Variants in MST1R observed in about 807,000 individuals in gnomAD.
MST1R encodes macrophage stimulating 1 receptor, also known as macrophage-stimulating protein receptor.
Under a neutral mutation model 117.8 loss-of-function variants are expected in MST1R, and 99 were observed. That is an observed-to-expected ratio of 0.84 (90% confidence interval 0.71 to 0.99). The LOEUF is 0.99. Ranked by LOEUF, MST1R falls within the 50% of genes least tolerant of loss-of-function variation. The probability of loss-of-function intolerance (pLI) is 0.00; values close to 1 mark genes in which losing one functional copy is unlikely to be tolerated. For missense variants in MST1R, 1,683 were observed against 1,840.2 expected (o/e 0.91, Z 1.56); for synonymous variants, 734 against 765.3 (o/e 0.96, Z 0.68).
chr3:49,903,407 C>T lies in MST1R; in HGVS notation c.203G>A (p.Ser68Asn), dbSNP rs2108513929. Reference protein sequence around the residue: ...MVTYEGDRNESAVFVAIRNRL... With the variant: ...MVTYEGDRNENAVFVAIRNRL... ...ATTGCGTATGGCTACAAACACAGCA[C>T]TCTCATTTCTGTCGCCCTCGTAGGT... The change falls in exon 1 of 20, where the codon AGT becomes AAT. Residue 68 changes from serine to asparagine, a missense_variant. By Grantham distance (46) the Ser-to-Asn change is conservative (BLOSUM62 1). Coordinates refer to ENST00000296474, the MANE Select transcript of MST1R (RefSeq NM_002447.4). The T allele has an allele frequency of 1.2e-6, 2 of 1,614,018 alleles. No homozygotes were observed. Among genetic ancestry groups the T allele is most frequent in the Non-Finnish European group, 1.7e-6 (2 of 1,180,018 alleles).
In MST1R at chr3:49,896,349, C is replaced by T. The variant is rs769911110; in HGVS notation, c.2495G>A (p.Arg832Gln). The T allele has an allele frequency of 9.3e-6, 15 of 1,614,064 alleles. No individual in the cohort carries two copies. Among genetic ancestry groups the T allele is most frequent in the Middle Eastern group, 1.6e-4 (1 of 6,062 alleles). ...QLCRLPEYVVRDPQGWVAGNL... is the reference protein window; with the variant it reads ...QLCRLPEYVVQDPQGWVAGNL... ...CCCTGCCACCCATCCCTGGGGGTCT[C>T]GGACCACATATTCAGGAAGGCGGCA... is the stretch of plus-strand genomic sequence containing the variant. The change falls in exon 10 of 20, where the codon CGA becomes CAA. Residue 832 changes from arginine to glutamine, a missense_variant. Arg to Gln is a conservative substitution (Grantham distance 43). Coordinates refer to ENST00000296474, the MANE Select transcript of MST1R (RefSeq NM_002447.4).
At chr3:49,895,622 T>G in intron 12 of MST1R, 74 bp from the exon 13 acceptor site, 1 of 1,604,264 alleles carries the variant, frequency 6.2e-7, no homozygotes, top group South Asian at 1.1e-5. Flanking sequence ...AGGACTTAGA[T>G]CCCTAAGTCC....
rs1162773520 is a variant in MST1R at position 49,896,788 on chromosome 3, C to T, written c.2286G>A (p.Trp762Ter). Residue 762 changes from tryptophan (W) to a stop codon, truncating the protein, a stop_gained, in exon 8 of 20, where the codon TGG becomes TGA. Coordinates refer to ENST00000296474, the MANE Select transcript of MST1R (RefSeq NM_002447.4). LOFTEE classifies it high-confidence loss of function. Reference sequence around the variant, plus strand: ...CAGGGTCTTCTCTGTACTGGAAGGTCCAGGAACCAGGTACCTGGGCACCCC... The same window carrying T: ...CAGGGTCTTCTCTGTACTGGAAGGTTCAGGAACCAGGTACCTGGGCACCCC... Reference protein sequence around the residue: ...QVGGAQVPGSWTFQYREDPVV... With the variant: ...QVGGAQVPGS 3 of 1,566,726 alleles carry T rather than the reference C, an allele frequency of 1.9e-6. No homozygotes were observed. Among genetic ancestry groups the T allele is most frequent in the East Asian group, 2.4e-5 (1 of 42,158 alleles).
intron 4 of MST1R, 32 bp downstream of exon 4, chr3:49,898,486 C>T: frequency 6.2e-7 from 1 of 1,608,342 alleles, no homozygotes. Flanking sequence ...GCCTGTCCCA[C>T]TCTTACCTGT....
At chr3:49,891,051 C>G (rs2082299973) in intron 17 of MST1R, 146 bp downstream of exon 17, 3 of 734,392 alleles carry the variant, frequency 4.1e-6, no homozygotes, top group Non-Finnish European at 6.7e-6. Flanking sequence ...AGTGTCCAGT[C>G]CAAGTCTGCA....
chr3:49,890,562 G>A lies in MST1R; in HGVS notation c.3733C>T (p.Arg1245Cys), dbSNP rs759230802. Residue 1245 changes from arginine (R) to cysteine (C), a missense_variant, in exon 18 of 20, where the codon CGC (arginine) becomes TGC (cysteine). By Grantham distance (180) the Arg-to-Cys change is radical (BLOSUM62 -3). Coordinates refer to ENST00000296474, the MANE Select transcript of MST1R (RefSeq NM_002447.4). ...CACTTCACAGGTAGGCGAGCGTGGCGATGCTGTTGAACACTATAGTACTCC... is the reference window on the plus strand; with the variant it reads ...CACTTCACAGGTAGGCGAGCGTGGCAATGCTGTTGAACACTATAGTACTCC... Reference protein sequence around the residue: ...DREYYSVQQHRHARLPVKWMA... With the variant: ...DREYYSVQQHCHARLPVKWMA... 2.9e-5 allele frequency: 47 copies of A among 1,614,014 alleles called. No homozygotes were observed. The highest frequency in any genetic ancestry group is 3.6e-5 in the Non-Finnish European group (42 of 1,180,018).
In MST1R at chr3:49,899,238, T is replaced by C. The variant is rs1285225321; in HGVS notation, c.1256A>G (p.Asn419Ser). ...CAGAGGGAAGTGGCGGCAGCTGGTG[T>C]TGGGGCTGAGGGCTTCCAGGCCAGG... ...NPPGLEALSP[N>S]TSCRHFPLLV... Residue 419 changes from asparagine (N) to serine (S), a missense_variant, in exon 2 of 20, where the codon AAC (asparagine) becomes AGC (serine). Asn to Ser is a conservative substitution (Grantham distance 46). Transcript: ENST00000296474. 13 of 1,613,972 alleles carry C rather than the reference T, an allele frequency of 8.1e-6. No individual in the cohort carries two copies. The highest frequency in any genetic ancestry group is 1.1e-5 in the Non-Finnish European group (13 of 1,179,988).
intron 19 of MST1R, among the ~76,000 whole-genome samples, chr3:49,888,443 A>T (rs1436867454): frequency 6.7e-6 from 1 of 149,072 alleles, no homozygotes; most frequent in Non-Finnish European, 1.5e-5. Context: ...CTCAAAAAAA[A>T]AAAAAAAAAA....
chr3:49,897,013 G>T, intron 7 of MST1R, 123 bp from the exon 8 acceptor site: 1 of 1,267,564 alleles, frequency 7.9e-7, no homozygotes, highest in Non-Finnish European at 1.1e-6. Flanking sequence ...CCACTCCATG[G>T]TCTGTCTGAA....
chr3:49,898,765 A>C (rs549335090), intron 3 of MST1R, 77 bp from the exon 4 acceptor site: 1 of 1,604,730 alleles, frequency 6.2e-7, no homozygotes, highest in South Asian at 1.1e-5. Context: ...GGTACACAGT[A>C]GGCTAGGGTG....
rs2082489703 is a variant in MST1R, at chr3:49,896,818, C to G, written c.2256G>C (p.Gln752His). 2 of 1,558,444 alleles carry G rather than the reference C, an allele frequency of 1.3e-6. No individual in the cohort carries two copies. The highest frequency in any genetic ancestry group is 2.7e-5 in the African/African-American group (2 of 73,332). ...ATVASVPLSL[Q>H]VGGAQVPGSW... is the part of the protein sequence containing the mutation. Reference sequence around the variant, plus strand: ...AACCAGGTACCTGGGCACCCCCCACCTGCAGGCTAAGGGGGACACTGGCCA... The same window carrying G: ...AACCAGGTACCTGGGCACCCCCCACGTGCAGGCTAAGGGGGACACTGGCCA... The change falls in exon 8 of 20, where the codon CAG (glutamine) becomes CAC (histidine). Residue 752 changes from glutamine to histidine, a missense_variant. By Grantham distance (24) the Gln-to-His change is conservative. Coordinates refer to ENST00000296474, the MANE Select transcript of MST1R (RefSeq NM_002447.4).
intron 14 of MST1R, among the ~76,000 whole-genome samples, chr3:49,894,521 T>C (rs1304745365): frequency 6.6e-6 from 1 of 152,050 alleles, no homozygotes; most frequent in South Asian, 2.1e-4. Flanking sequence ...TGAGCCATGA[T>C]TGTGCCATTG....
rs146909618 is a variant in MST1R, at chr3:49,887,989, G to A, written c.3948-427C>T. ...AGGAAGGAAGCCTGGGTCCAGCAAA[G>A]CAGGAATTAAAAATCCTGAAGTGGC... On this transcript the variant is annotated intron_variant, in intron 19 of 19. Transcript: ENST00000296474. Among the ~76,000 whole-genome samples the A allele has an allele frequency of 5.1e-3, 776 of 152,346 alleles. 6 individuals are homozygous for A. The highest frequency in any genetic ancestry group is 0.018 in the African/African-American group (750 of 41,574).
chr3:49,892,727 G>C (rs2082350711), intron 14 of MST1R, among the ~76,000 whole-genome samples: 1 of 151,510 alleles, frequency 6.6e-6, no homozygotes, highest in African/African-American at 2.4e-5. Context: ...GCTGGGGCGG[G>C]AGGATCAGCT....
chr3:49,895,106 T>C, intron 14 of MST1R, 61 bp downstream of exon 14: 1 of 1,590,084 alleles, frequency 6.3e-7, no homozygotes, highest in Non-Finnish European at 8.6e-7. Context: ...CCACCACGCC[T>C]GGCCTAGCCT....
chr3:49,889,638 G>A (rs966657227), intron 19 of MST1R, among the ~76,000 whole-genome samples: 1 of 152,254 alleles, frequency 6.6e-6, no homozygotes, highest in South Asian at 2.1e-4. Context: ...AGCAGACCCC[G>A]TTAGTGGGAG....
chr3:49,896,166 C>T (rs929524630), intron 10 of MST1R, 29 bp downstream of exon 10: 3 of 1,614,204 alleles, frequency 1.9e-6, no homozygotes, highest in Non-Finnish European at 2.5e-6. Context: ...AGATCCCCAA[C>T]TGTCCCTGCC....
chr3:49,899,552 C>A (rs1412934416), intron 1 of MST1R: 1 of 317,094 alleles, frequency 3.2e-6, no homozygotes, highest in Non-Finnish European at 5.9e-6. Context: ...CACAACCACC[C>A]CGTACATCTT....
At chr3:49,887,849 G>A (rs545665881) in intron 19 of MST1R, among the ~76,000 whole-genome samples, 9 of 152,340 alleles carry the variant, frequency 5.9e-5, no homozygotes, top group Admixed American at 4.6e-4. Context: ...TAACTTCTCT[G>A]TGCCTCTGGG....
Sources: gnomAD v4.1 joint callset for allele counts (sites outside exome capture counted in the v4.1 genomes callset) on GRCh38, gnomAD v4.1.1 for gene constraint, MANE v1.5 for transcripts, NCBI Gene and HGNC (gene_info 2026-07-23, HGNC 2026-07-21) for gene names.